The following IGSF11 variants were observed in gnomAD, a reference collection of about 807,000 sequenced individuals.
IGSF11 encodes CXADR like 1.
IGSF11 carries 22 observed loss-of-function variants against 41.0 expected under a neutral mutation model. That is an observed-to-expected ratio of 0.54 (90% CI 0.38 to 0.77). The LOEUF is 0.77. IGSF11 is among the 30% of genes least tolerant of loss of function. IGSF11 has a pLI of 0.00. For synonymous variants in IGSF11, 219 were observed against 201.3 expected, an observed-to-expected ratio of 1.09 and a Z score of -0.74; for missense variants, 444 against 530.8, an observed-to-expected ratio of 0.84 and a Z score of 1.61.
intron 1 of IGSF11, among the ~76,000 whole-genome samples, chr3:119,136,784 A>C (rs1576840601): frequency 6.6e-6 from 1 of 152,302 alleles, no homozygotes; most frequent in East Asian, 1.9e-4. Flanking sequence ...AAGAAACTTC[A>C]GATCTTTGTC....
chr3:119,010,267 T>G (rs1369582), intron 1 of IGSF11, among the ~76,000 whole-genome samples: 61,066 of 152,016 alleles, frequency 0.4, 14,953 homozygotes, highest in African/African-American at 0.69. Flanking sequence ...ATTCAGCTGG[T>G]ATTCCCCAGC....
At chr3:119,131,406 T>C (rs1018211625) in intron 1 of IGSF11, among the ~76,000 whole-genome samples, 1 of 152,112 alleles carries the variant, frequency 6.6e-6, no homozygotes, top group Non-Finnish European at 1.5e-5. Flanking sequence ...TCATGATGCG[T>C]ACACAAGCTT....
chr3:119,036,205 C>G (rs1369723643), upstream of IGSF11, among the ~76,000 whole-genome samples: 1 of 152,160 alleles, frequency 6.6e-6, no homozygotes, highest in African/African-American at 2.4e-5. Context: ...CTCACTACTT[C>G]CAACTTGCTA....
chr3:118,997,063 G>A (rs1167223506), intron 1 of IGSF11, among the ~76,000 whole-genome samples: 1 of 151,398 alleles, frequency 6.6e-6, no homozygotes, highest in Non-Finnish European at 1.5e-5. Context: ...ATGTGCAAGG[G>A]GTGACCCTAT....
intron 1 of IGSF11, among the ~76,000 whole-genome samples, chr3:119,061,871 G>A (rs556040146): frequency 4.0e-5 from 6 of 151,784 alleles, no homozygotes; most frequent in African/African-American, 1.2e-4. Context: ...CATGTCTATA[G>A]TGTATATTTC....
intron 1 of IGSF11, among the ~76,000 whole-genome samples, chr3:119,087,124 C>T (rs1247814932): frequency 2.0e-5 from 3 of 152,052 alleles, no homozygotes; most frequent in Non-Finnish European, 4.4e-5. Flanking sequence ...ATAAAACAGA[C>T]TTTAAAGCAA....
intron 1 of IGSF11, among the ~76,000 whole-genome samples, chr3:119,126,581 A>G (rs1369519353): frequency 6.6e-6 from 1 of 152,162 alleles, no homozygotes; most frequent in Admixed American, 6.5e-5. Context: ...GCACTCCAAC[A>G]GGGGTTGTCA....
intron 4 of IGSF11, among the ~76,000 whole-genome samples, chr3:118,913,497 T>G (rs527996633): frequency 1.3e-5 from 2 of 151,984 alleles, no homozygotes; most frequent in Non-Finnish European, 1.5e-5. Context: ...GGGAAGAAAA[T>G]GAAACATTTT....
intron 4 of IGSF11, among the ~76,000 whole-genome samples, chr3:118,911,739 A>G (rs924244586): frequency 2.7e-5 from 4 of 149,402 alleles, no homozygotes; most frequent in South Asian, 2.1e-4. Context: ...GAGAGAGAGA[A>G]AGAGAGAGAG....
intron 1 of IGSF11, among the ~76,000 whole-genome samples, chr3:118,990,390 T>C (rs1478019222): frequency 6.6e-6 from 1 of 152,178 alleles, no homozygotes; most frequent in African/African-American, 2.4e-5. Context: ...ATAATGTGCC[T>C]TACTTAAGAT....
intron 1 of IGSF11, among the ~76,000 whole-genome samples, chr3:119,046,124 A>G (rs961322934): frequency 7.3e-5 from 11 of 151,272 alleles, no homozygotes; most frequent in South Asian, 2.1e-4. Context: ...CTCACCAGCA[A>G]CGGAACAAAG....
rs1355379217 is a variant in IGSF11 at position 118,922,449 on chromosome 3, T to G, written c.580+3652A>C. ...TGTGTGGCTGGGAACAGTTAAGATCTCCTCCCAGCAAATTTCTAGCATACA... is the reference window on the plus strand; with the variant it reads ...TGTGTGGCTGGGAACAGTTAAGATCGCCTCCCAGCAAATTTCTAGCATACA... On this transcript the variant is annotated intron_variant, in intron 4 of 6. Transcript: ENST00000393775. Among the ~76,000 whole-genome samples, 8 of 151,998 alleles carry G rather than the reference T, an allele frequency of 5.3e-5. No homozygotes were observed. The East Asian group carries it at 1.6e-3, about 29-fold the overall frequency.
chr3:119,045,682 C>G, intron 1 of IGSF11, among the ~76,000 whole-genome samples: 1 of 152,098 alleles, frequency 6.6e-6, no homozygotes, highest in Non-Finnish European at 1.5e-5. Context: ...GGCTCCACCT[C>G]TGGGGGCAGG....
chr3:119,052,321 A>G (rs756908342), intron 1 of IGSF11, among the ~76,000 whole-genome samples: 1 of 151,994 alleles, frequency 6.6e-6, no homozygotes, highest in Non-Finnish European at 1.5e-5. Flanking sequence ...CTCTACTAAG[A>G]CTACAAAAAT....
rs555339772 is a variant in IGSF11, at chr3:118,997,635, C to T, written c.52+36896G>A. Reference sequence around the variant, plus strand: ...TGAATCTTACCTGACTCTCAGACAGCACATCTAGGGTGGTGCCTAGAAGCC... The same window carrying T: ...TGAATCTTACCTGACTCTCAGACAGTACATCTAGGGTGGTGCCTAGAAGCC... On this transcript the variant is annotated intron_variant, in intron 1 of 6. Transcript: ENST00000393775. Among the ~76,000 whole-genome samples, 197 of 150,548 alleles carry T rather than the reference C, an allele frequency of 1.3e-3. 1 individual carries two copies. The highest frequency in any genetic ancestry group is 4.4e-3 in the African/African-American group (182 of 41,006).
intron 1 of IGSF11, among the ~76,000 whole-genome samples, chr3:119,082,236 G>A (rs1036783067): frequency 7.2e-5 from 11 of 152,062 alleles, no homozygotes; most frequent in Non-Finnish European, 1.3e-4. Flanking sequence ...TAATAGGTAA[G>A]AAAAAATGGC....
At chr3:119,055,364 A>G (rs780202229) in intron 1 of IGSF11, among the ~76,000 whole-genome samples, 6 of 152,230 alleles carry the variant, frequency 3.9e-5, no homozygotes, top group African/African-American at 9.6e-5. Flanking sequence ...AGGCTAAAAG[A>G]GACAAAGAAG....
At position 119,140,094 on chromosome 3, in the gene IGSF11, C is replaced by CA. The variant is rs1183679627; in HGVS notation, c.-14+5718dup. Among the ~76,000 whole-genome samples, 6 of 151,854 alleles carry CA rather than the reference C, an allele frequency of 4.0e-5. No homozygotes were observed. The East Asian group carries it at 9.7e-4, about 24-fold the overall frequency. On this transcript the variant is annotated intron_variant, in intron 1 of 7. Transcript: ENST00000425327. ...CACAATAAAAGAAAGACTTGAGGAA[C>CA]AAAAAATATATGACATATATAAAAT...
intron 1 of IGSF11, among the ~76,000 whole-genome samples, chr3:118,970,203 T>C (rs961424197): frequency 1.3e-5 from 2 of 152,156 alleles, no homozygotes; most frequent in Non-Finnish European, 2.9e-5. Flanking sequence ...TGACATAAAA[T>C]TCAAAAGTCA....
Sources: allele counts gnomAD v4.1 joint callset (sites outside exome capture counted in the v4.1 genomes callset), GRCh38; gene constraint gnomAD v4.1.1; transcripts MANE v1.5; gene names NCBI Gene and HGNC (gene_info 2026-07-23, HGNC 2026-07-21).